Variants in MBD5 observed in about 807,000 individuals in gnomAD.
MBD5 encodes the protein methyl-CpG binding domain protein 5, also known as methyl-CpG-binding domain protein 5.
A neutral mutation model predicts 117.3 loss-of-function variants in MBD5; 13 were observed. That is an observed-to-expected ratio of 0.11 (90% CI 0.07 to 0.18). The LOEUF is 0.18. Among genes scored for constraint, MBD5 ranks in the 10% least tolerant of loss-of-function variants. MBD5 has a pLI of 1.00. For missense variants in MBD5, 1,879 were observed against 2,093.8 expected (o/e 0.90, Z 2.00); for synonymous variants, 727 against 766.4 (o/e 0.95, Z 0.85).
chr2:148,073,289 T>C (rs1488303369), intron 1 of MBD5, among the ~76,000 whole-genome samples: 1 of 152,156 alleles, frequency 6.6e-6, no homozygotes, highest in Non-Finnish European at 1.5e-5. Flanking sequence ...GTAGCAGGTA[T>C]AGGCAATCAC....
intron 3 of MBD5, among the ~76,000 whole-genome samples, chr2:148,251,599 C>T (rs1235667554): frequency 6.6e-6 from 1 of 152,088 alleles, no homozygotes; most frequent in Non-Finnish European, 1.5e-5. Flanking sequence ...TACGTAATTC[C>T]TATTCAATTG....
intron 4 of MBD5, among the ~76,000 whole-genome samples, chr2:148,357,241 A>G (rs1428018985): frequency 6.6e-6 from 1 of 152,190 alleles, no homozygotes; most frequent in Non-Finnish European, 1.5e-5. Flanking sequence ...ACAATTCATC[A>G]TGTTGAAAGT....
At chr2:148,232,596 C>T (rs996218659) in intron 2 of MBD5, among the ~76,000 whole-genome samples, 17 of 151,274 alleles carry the variant, frequency 1.1e-4, no homozygotes, top group Admixed American at 5.9e-4. Flanking sequence ...GGTGGAGGCT[C>T]CCGAGTAGCT....
At chr2:148,362,168 C>T (rs970796590) in intron 4 of MBD5, among the ~76,000 whole-genome samples, 1 of 152,144 alleles carries the variant, frequency 6.6e-6, no homozygotes, top group African/African-American at 2.4e-5. Context: ...GGGGCTGAAG[C>T]CAGGGAGCCA....
intron 4 of MBD5, among the ~76,000 whole-genome samples, chr2:148,446,608 G>A (rs1231484698): frequency 2.0e-5 from 3 of 151,650 alleles, no homozygotes; most frequent in South Asian, 2.1e-4. Flanking sequence ...TTATCTGTGT[G>A]TGTGTGTGTG....
At chr2:148,037,052 T>C (rs1249983982) in intron 1 of MBD5, among the ~76,000 whole-genome samples, 1 of 152,010 alleles carries the variant, frequency 6.6e-6, no homozygotes, top group Non-Finnish European at 1.5e-5. Flanking sequence ...TGCTCATAAT[T>C]GCTTAAGACG....
intron 11 of MBD5, among the ~76,000 whole-genome samples, chr2:148,493,420 G>A (rs1398492513): frequency 1.3e-5 from 2 of 152,110 alleles, no homozygotes; most frequent in Non-Finnish European, 2.9e-5. Flanking sequence ...TCAGTTACAG[G>A]CTTTGTTCTC....
chr2:148,406,887 C>T (rs1293497007), intron 4 of MBD5, among the ~76,000 whole-genome samples: 2 of 152,174 alleles, frequency 1.3e-5, no homozygotes, highest in African/African-American at 2.4e-5. Flanking sequence ...AAGAGACTTC[C>T]CATTTATCTA....
At chr2:148,432,913 G>A (rs769806231) in intron 4 of MBD5, among the ~76,000 whole-genome samples, 2 of 152,128 alleles carry the variant, frequency 1.3e-5, no homozygotes, top group Non-Finnish European at 2.9e-5. Flanking sequence ...AATGTCATTG[G>A]TAGTTTCATA....
chr2:148,332,138 C>G, intron 3 of MBD5, among the ~76,000 whole-genome samples: 1 of 151,928 alleles, frequency 6.6e-6, no homozygotes, highest in Non-Finnish European at 1.5e-5. Flanking sequence ...CACAGGTAAT[C>G]TACTAAATCC....
Position 148,148,927 on chromosome 2 carries a change from CTTTA to C in MBD5, c.-924-29765_-924-29762del, listed in dbSNP as rs1005213951. Reference sequence around the variant, plus strand: ...TCATTAATTAATTAAATAAATATTTCTTTATTTATTTTATTTTATTTTTAATTAT... The same window carrying C: ...TCATTAATTAATTAAATAAATATTTCTTTATTTTATTTTATTTTTAATTAT... On this transcript the variant is annotated intron_variant, in intron 1 of 13. Coordinates refer to ENST00000642680, the MANE Select transcript of MBD5 (RefSeq NM_001378120.1). Among the ~76,000 whole-genome samples, 451 of 151,890 alleles carry C rather than the reference CTTTA, an allele frequency of 3.0e-3. 2 individuals carry two copies. The highest frequency in any genetic ancestry group is 0.01 in the African/African-American group (418 of 41,434).
intron 1 of MBD5, among the ~76,000 whole-genome samples, chr2:148,059,642 T>G (rs905849597): frequency 6.6e-6 from 1 of 150,676 alleles, no homozygotes; most frequent in Non-Finnish European, 1.5e-5. Context: ...GGTCAGGAGA[T>G]CGAGACCATC....
At chr2:148,022,387 A>T (rs1382376342) in intron 1 of MBD5, among the ~76,000 whole-genome samples, 2 of 152,178 alleles carry the variant, frequency 1.3e-5, no homozygotes, top group Non-Finnish European at 2.9e-5. Flanking sequence ...TATAAAGTCC[A>T]AAGCTCTAAA....
chr2:148,180,660 T>G (rs921078906), intron 2 of MBD5, among the ~76,000 whole-genome samples: 1 of 151,944 alleles, frequency 6.6e-6, no homozygotes, highest in Non-Finnish European at 1.5e-5. Context: ...CCTCCCAAAG[T>G]GATGGGATTA....
At chr2:148,360,980 T>C (rs548887389) in intron 4 of MBD5, among the ~76,000 whole-genome samples, 2 of 152,320 alleles carry the variant, frequency 1.3e-5, no homozygotes, top group South Asian at 2.1e-4. Flanking sequence ...CATAATCTGC[T>C]AACTATAAAA....
intron 1 of MBD5, among the ~76,000 whole-genome samples, chr2:148,175,599 A>G (rs1017962728): frequency 3.3e-5 from 5 of 152,188 alleles, no homozygotes; most frequent in African/African-American, 1.2e-4. Flanking sequence ...ATATCTTCAT[A>G]TTAATTTCTG....
chr2:148,053,494 G>C (rs1226467991), intron 1 of MBD5, among the ~76,000 whole-genome samples: 1 of 151,780 alleles, frequency 6.6e-6, no homozygotes, highest in African/African-American at 2.4e-5. Context: ...TATCCTATCT[G>C]CTTGACTCCT....
intron 3 of MBD5, among the ~76,000 whole-genome samples, chr2:148,302,842 G>A (rs1025623465): frequency 2.0e-5 from 3 of 151,170 alleles, no homozygotes; most frequent in African/African-American, 7.3e-5. Context: ...ATCTTGCCCA[G>A]GCTTCTGTTT....
chr2:148,252,055 G>A (rs1317782944), intron 3 of MBD5, among the ~76,000 whole-genome samples: 1 of 152,186 alleles, frequency 6.6e-6, no homozygotes, highest in East Asian at 1.9e-4. Flanking sequence ...CTGCCACAGT[G>A]ATTGGAGAGA....
Sources: allele counts gnomAD v4.1 joint callset (sites outside exome capture counted in the v4.1 genomes callset), GRCh38; gene constraint gnomAD v4.1.1; transcripts MANE v1.5; gene names NCBI Gene and HGNC (gene_info 2026-07-23, HGNC 2026-07-21).